Variants in HIVEP3 observed in about 807,000 individuals in gnomAD.
The protein encoded by HIVEP3 is transcription factor HIVEP3.
HIVEP3 carries 49 observed loss-of-function variants against 152.8 expected under a neutral mutation model. The observed-to-expected ratio is 0.32, with a 90% CI of 0.26 to 0.41. HIVEP3 has a LOEUF of 0.41. HIVEP3 is among the 10% of genes least tolerant of loss of function. The pLI, the probability that HIVEP3 is intolerant of heterozygous loss-of-function variation, is 1.00. For synonymous variants in HIVEP3, 1,269 were observed against 1,289.0 expected (o/e 0.98, Z 0.33); for missense variants, 2,790 against 3,103.3 (o/e 0.90, Z 2.40).
At chr1:42,016,332 G>C (rs948740231) in intron 1 of HIVEP3, among the ~76,000 whole-genome samples, 2 of 152,110 alleles carry the variant, frequency 1.3e-5, no homozygotes, top group African/African-American at 4.8e-5. Context: ...GTAAGGACAG[G>C]AAAGAAATGC....
chr1:41,958,671 G>A (rs1162598705), intron 1 of HIVEP3, among the ~76,000 whole-genome samples: 1 of 152,146 alleles, frequency 6.6e-6, no homozygotes, highest in Non-Finnish European at 1.5e-5. Context: ...TGACAGAAAA[G>A]GAAAAATCCC....
chr1:41,982,180 C>T (rs1396367377), intron 1 of HIVEP3, among the ~76,000 whole-genome samples: 1 of 152,174 alleles, frequency 6.6e-6, no homozygotes, highest in Non-Finnish European at 1.5e-5. Flanking sequence ...AAAGCGAAGC[C>T]TTATCCATCA....
At chr1:41,619,448 G>A (rs1645015301) in intron 3 of HIVEP3, among the ~76,000 whole-genome samples, 1 of 152,228 alleles carries the variant, frequency 6.6e-6, no homozygotes, top group South Asian at 2.1e-4. Context: ...TCTATAGAGA[G>A]TGTGCATGTG....
At chr1:41,564,772 G>A (rs1644135175) in intron 5 of HIVEP3, among the ~76,000 whole-genome samples, 1 of 152,210 alleles carries the variant, frequency 6.6e-6, no homozygotes, top group Non-Finnish European at 1.5e-5. Flanking sequence ...CTCTGAAGAA[G>A]ACCACACTGA....
Position 41,513,612 on chromosome 1 carries a change from C to T in HIVEP3, c.5609G>A (p.Ser1870Asn). The change falls in exon 8 of 9, where the codon AGC (serine) becomes AAC (asparagine). Residue 1870 changes from serine (S) to asparagine (N), a missense_variant. By Grantham distance (46) the Ser-to-Asn change is conservative. Transcript: ENST00000372583. The part of the protein sequence containing the change: ...DEDEDEDEEE[S>N]QDELSRPSSE... Reference sequence around the variant, plus strand: ...GGATGGTCTGGACAGCTCATCCTGGCTCTCCTCCTCATCCTCATCCTCGTC... The same window carrying T: ...GGATGGTCTGGACAGCTCATCCTGGTTCTCCTCCTCATCCTCATCCTCGTC... The T allele has an allele frequency of 6.2e-7, 1 of 1,613,904 alleles. No individual in the cohort carries two copies. The highest frequency in any genetic ancestry group is 8.5e-7 in the Non-Finnish European group (1 of 1,179,990).
At chr1:41,988,378 A>G (rs1322857137) in intron 1 of HIVEP3, among the ~76,000 whole-genome samples, 1 of 152,088 alleles carries the variant, frequency 6.6e-6, no homozygotes, top group East Asian at 1.9e-4. Context: ...CAAACCACTC[A>G]ATATTAAGAA....
intron 1 of HIVEP3, among the ~76,000 whole-genome samples, chr1:41,959,095 G>C (rs1405911691): frequency 6.6e-6 from 1 of 152,200 alleles, no homozygotes; most frequent in Non-Finnish European, 1.5e-5. Flanking sequence ...GACAGAGATA[G>C]ACGCTACCCA....
chr1:41,679,695 C>T (rs955049137), intron 2 of HIVEP3, among the ~76,000 whole-genome samples: 1 of 152,242 alleles, frequency 6.6e-6, no homozygotes, highest in Non-Finnish European at 1.5e-5. Context: ...ACTCTCAGCT[C>T]AGTGCCTGAA....
chr1:41,948,648 A>G (rs1178898923), intron 1 of HIVEP3, among the ~76,000 whole-genome samples: 2 of 152,170 alleles, frequency 1.3e-5, no homozygotes, highest in Non-Finnish European at 2.9e-5. Context: ...GAAGAAATGG[A>G]ATGGAGAACC....
intron 5 of HIVEP3, among the ~76,000 whole-genome samples, chr1:41,573,441 G>A (rs1379072396): frequency 1.3e-5 from 2 of 152,200 alleles, no homozygotes; most frequent in East Asian, 3.9e-4. Flanking sequence ...GGGAGGCATG[G>A]TCCCAGCTTG....
chr1:41,772,637 C>T (rs1053578761), intron 1 of HIVEP3, among the ~76,000 whole-genome samples: 10 of 152,136 alleles, frequency 6.6e-5, no homozygotes, highest in Admixed American at 4.6e-4. Flanking sequence ...GGGCCAGGCA[C>T]GGTGGCTCAT....
Position 41,941,784 on chromosome 1 carries a change from C to T in HIVEP3, n.120-23260G>A, listed in dbSNP as rs1180988015. On this transcript the variant is annotated intron_variant and non_coding_transcript_variant, in intron 1 of 3. Coordinates refer to the HIVEP3 transcript ENST00000489103. ...GCATGAAGAAGCCATGAATTGCCCA[C>T]ACATCTTGAGAAAACACCGTTTCTA... is the stretch of plus-strand genomic sequence containing the variant. Among the ~76,000 whole-genome samples the T allele has an allele frequency of 2.6e-5, 4 of 152,316 alleles. No homozygotes were observed. In the East Asian group the frequency reaches 5.8e-4, roughly 22 times the overall value.
chr1:41,573,763 G>C (rs1017670016), intron 5 of HIVEP3, among the ~76,000 whole-genome samples: 3 of 152,168 alleles, frequency 2.0e-5, no homozygotes, highest in Non-Finnish European at 4.4e-5. Flanking sequence ...GAGGGCGGGA[G>C]AGCTGGGGGG....
intron 2 of HIVEP3, among the ~76,000 whole-genome samples, chr1:41,659,976 G>C (rs886299263): frequency 2.6e-5 from 4 of 152,222 alleles, no homozygotes; most frequent in Non-Finnish European, 4.4e-5. Flanking sequence ...GTGTGCGTAG[G>C]AGCAGATGTG....
intron 1 of HIVEP3, among the ~76,000 whole-genome samples, chr1:41,864,016 G>T (rs568348828): frequency 4.6e-4 from 70 of 152,280 alleles, no homozygotes; most frequent in Non-Finnish European, 2.5e-4. Context: ...ATCAGACGTG[G>T]AGAGAGGTGA....
chr1:41,680,343 A>G (rs1015716713), intron 2 of HIVEP3, among the ~76,000 whole-genome samples: 3 of 152,118 alleles, frequency 2.0e-5, no homozygotes, highest in Admixed American at 6.6e-5. Context: ...TTCCTGTCCA[A>G]ACTCTTACTC....
intron 5 of HIVEP3, chr1:41,543,400 A>G (rs1261079162): frequency 1.3e-5 from 2 of 152,200 alleles, no homozygotes; most frequent in Admixed American, 1.3e-4. Flanking sequence ...GAGAGTTGTC[A>G]CTGCTGGCCC....
At chr1:41,547,552 G>A (rs533531811) in intron 5 of HIVEP3, among the ~76,000 whole-genome samples, 4 of 152,248 alleles carry the variant, frequency 2.6e-5, no homozygotes, top group East Asian at 3.9e-4. Context: ...CTGGTAGAGC[G>A]AGGAGCCCGA....
chr1:41,654,632 T>C (rs1645603417), intron 2 of HIVEP3, among the ~76,000 whole-genome samples: 1 of 152,246 alleles, frequency 6.6e-6, no homozygotes, highest in Non-Finnish European at 1.5e-5. Context: ...CTAGTAACTA[T>C]TTCACCAGTT....
Sources: allele counts gnomAD v4.1 joint callset (sites outside exome capture counted in the v4.1 genomes callset), GRCh38; gene constraint gnomAD v4.1.1; transcripts MANE v1.5; gene names NCBI Gene and HGNC (gene_info 2026-07-23, HGNC 2026-07-21).